The following TERB2 variants were observed in gnomAD, a reference collection of about 807,000 sequenced individuals.
TERB2 encodes the protein telomere repeat binding bouquet formation protein 2.
In TERB2, 26 loss-of-function variants were observed where a neutral mutation model predicts 29.8. The observed-to-expected ratio is 0.87, with a 90% confidence interval of 0.64 to 1.21. The LOEUF (loss-of-function observed/expected upper bound fraction) is 1.21. TERB2 is among the 50% of genes most tolerant of loss of function. The pLI is 0.00. For synonymous variants in TERB2, 80 were observed against 90.8 expected (o/e 0.88, Z 0.68); for missense variants, 240 against 268.6 (o/e 0.89, Z 0.74).
In TERB2 at chr15:44,978,594, T is replaced by C. The variant is rs532469191; in HGVS notation, c.629T>C (p.Met210Thr). The change falls in exon 7 of 7, where the codon ATG becomes ACG. Residue 210 changes from methionine to threonine, a missense_variant. Physicochemically the swap from Met to Thr is moderately conservative, Grantham distance 81. Transcript: ENST00000340827. ...TATCATGTTCAAAATGAAATTAATA[T>C]GTCTGCTATAAAAAACAAATTGAAG... The part of the protein sequence containing the change: ...LAYHVQNEIN[M>T]SAIKNKLKRK 1.4e-4 allele frequency: 228 copies of C among 1,604,294 alleles called. No individual in the cohort carries two copies. The East Asian group carries it at 5.0e-3, about 35-fold the overall frequency.
chr15:44,966,217 A>T lies in TERB2; in HGVS notation c.408A>T (p.Thr136=). 6.4e-7 allele frequency: 1 copy of T among 1,563,814 alleles called. No homozygotes were observed. The highest frequency in any genetic ancestry group is 8.6e-7 in the Non-Finnish European group (1 of 1,159,216). The change falls in exon 5 of 7, where the codon ACA becomes ACT. Residue 136 remains threonine, a synonymous_variant. Transcript: ENST00000340827. The part of the protein sequence containing the change: ...KTLRENSELA[T]EHKKELSKSP... ...TTAGGGAAAACAGTGAACTAGCAAC[A>T]GAGCACAAAAAAGAATTATCCAAAA...
intron 3 of TERB2, among the ~76,000 whole-genome samples, chr15:44,960,657 A>G (rs1891786380): frequency 6.6e-6 from 1 of 152,218 alleles, no homozygotes; most frequent in Non-Finnish European, 1.5e-5. Context: ...TAAGTCTTCA[A>G]AATCCTGTAT....
chr15:44,964,380 A>G (rs1891853042), intron 4 of TERB2, among the ~76,000 whole-genome samples: 1 of 152,118 alleles, frequency 6.6e-6, no homozygotes, highest in African/African-American at 2.4e-5. Context: ...ATGTTGTACT[A>G]AGGACTGAAA....
At chr15:44,967,170 A>G (rs1218285140) in intron 5 of TERB2, among the ~76,000 whole-genome samples, 3 of 152,246 alleles carry the variant, frequency 2.0e-5, no homozygotes, top group Non-Finnish European at 4.4e-5. Flanking sequence ...AACAGTTTAT[A>G]AGAGGCCTTC....
intron 4 of TERB2, among the ~76,000 whole-genome samples, chr15:44,964,053 C>T (rs1891848392): frequency 6.6e-6 from 1 of 152,144 alleles, no homozygotes; most frequent in South Asian, 2.1e-4. Context: ...TCGTGATCCG[C>T]CTGCCTTGGC....
chr15:44,961,472 T>C lies in TERB2; in HGVS notation c.287-51T>C, dbSNP rs769015351. 1.5e-5 allele frequency: 20 copies of C among 1,332,744 alleles called. 1 individual carries two copies. Among genetic ancestry groups the C allele is most frequent in the Non-Finnish European group, 1.5e-5 (14 of 957,196 alleles). The allele number at this position is 1,332,744 out of a possible 1,614,324, so 82.6% of individuals were successfully genotyped here. ...CAGACTTTAAGCAAAATTCAGAAGATTCTTAAAAAAAAAAACCAAAACAGT... is the reference window on the plus strand; with the variant it reads ...CAGACTTTAAGCAAAATTCAGAAGACTCTTAAAAAAAAAAACCAAAACAGT... On this transcript the variant is annotated intron_variant, in intron 3 of 6. Transcript: ENST00000340827.
At chr15:44,977,555 T>G (rs1371678291) in intron 6 of TERB2, among the ~76,000 whole-genome samples, 1 of 152,176 alleles carries the variant, frequency 6.6e-6, no homozygotes, top group Non-Finnish European at 1.5e-5. Flanking sequence ...AGTATAGTAA[T>G]AGTGCTTCAA....
rs1778188319 is a variant in TERB2, at chr15:44,978,583, T to C, written c.618T>C (p.Asn206=). The C allele has an allele frequency of 6.2e-7, 1 of 1,608,670 alleles. No homozygotes were observed. The highest frequency in any genetic ancestry group is 1.3e-5 in the African/African-American group (1 of 74,936). ...GATATTTGGCATATCATGTTCAAAA[T>C]GAAATTAATATGTCTGCTATAAAAA... ...TSGYLAYHVQ[N]EINMSAIKNK... Residue 206 remains asparagine (N), a synonymous_variant, in exon 7 of 7, where the codon AAT becomes AAC. Transcript: ENST00000340827.
intron 3 of TERB2, 118 bp from the exon 4 acceptor site, chr15:44,961,405 T>C (rs1464233174): frequency 1.2e-5 from 8 of 654,104 alleles, no homozygotes; most frequent in Non-Finnish European, 2.1e-5. Flanking sequence ...AAGTGTGTTA[T>C]GTGATTTTGT....
chr15:44,964,286 T>C (rs1891851867), intron 4 of TERB2, among the ~76,000 whole-genome samples: 1 of 152,242 alleles, frequency 6.6e-6, no homozygotes, highest in South Asian at 2.1e-4. Context: ...TTTATATTTC[T>C]GTCATTAATT....
At chr15:44,972,540 A>G (rs1178075799) in intron 5 of TERB2, among the ~76,000 whole-genome samples, 1 of 146,364 alleles carries the variant, frequency 6.8e-6, no homozygotes, top group Non-Finnish European at 1.5e-5. Context: ...TTTGAGACAG[A>G]GTCTGGCTCT....
Position 44,957,094 on chromosome 15 carries a change from A to G in TERB2, c.146+117A>G, listed in dbSNP as rs1239815492. On this transcript the variant is annotated intron_variant, in intron 2 of 6. Coordinates refer to ENST00000340827, the MANE Select transcript of TERB2 (RefSeq NM_152448.3). ...CTGGGCGCGGTGGCGGACACCTATAATCCCAGCTACTGGGAAGACTGAAGC... is the reference window on the plus strand; with the variant it reads ...CTGGGCGCGGTGGCGGACACCTATAGTCCCAGCTACTGGGAAGACTGAAGC... 9.2e-6 allele frequency: 10 copies of G among 1,085,772 alleles called. No individual in the cohort carries two copies. In the East Asian group the frequency reaches 2.4e-4, roughly 26 times the overall value. 67.3% of individuals were successfully genotyped at this position (1,085,772 alleles called of 1,614,324 possible).
At chr15:44,974,341 C>G (rs1258599017) in intron 6 of TERB2, among the ~76,000 whole-genome samples, 3 of 152,152 alleles carry the variant, frequency 2.0e-5, no homozygotes, top group African/African-American at 7.2e-5. Context: ...CTTTCCTTAG[C>G]ATACACACAT....
intron 5 of TERB2, among the ~76,000 whole-genome samples, chr15:44,969,120 G>A (rs988452824): frequency 6.6e-6 from 1 of 151,724 alleles, no homozygotes; most frequent in Non-Finnish European, 1.5e-5. Context: ...AATTAGACAG[G>A]GTCTCGCTCT....
At chr15:44,961,239 G>GTATA (rs57317143) in intron 3 of TERB2, among the ~76,000 whole-genome samples, 26,734 of 145,478 alleles carry the variant, frequency 0.18, 2,864 homozygotes, top group East Asian at 0.35. Flanking sequence ...CACATCTAAT[G>GTATA]TAGAGATACA....
intron 4 of TERB2, among the ~76,000 whole-genome samples, chr15:44,964,077 G>A (rs1392985715): frequency 6.6e-6 from 1 of 152,068 alleles, no homozygotes; most frequent in Non-Finnish European, 1.5e-5. Flanking sequence ...CCAAAGTGCT[G>A]GGATTACAGG....
intron 3 of TERB2, among the ~76,000 whole-genome samples, chr15:44,959,722 A>G (rs546285813): frequency 1.5e-3 from 221 of 152,224 alleles, no homozygotes; most frequent in Middle Eastern, 3.4e-3. Flanking sequence ...TCAATTCTTG[A>G]TATGTAGGTG....
intron 6 of TERB2, among the ~76,000 whole-genome samples, chr15:44,977,474 A>C (rs1168972064): frequency 6.6e-6 from 1 of 152,230 alleles, no homozygotes; most frequent in Non-Finnish European, 1.5e-5. Flanking sequence ...AAACACTAAT[A>C]GTGATATTTT....
chr15:44,975,889 T>C (rs1158806515), intron 6 of TERB2, among the ~76,000 whole-genome samples: 1 of 152,216 alleles, frequency 6.6e-6, no homozygotes, highest in Non-Finnish European at 1.5e-5. Context: ...ATGTGATTAA[T>C]AAGAGTAAGA....
Sources: allele counts gnomAD v4.1 joint callset (sites outside exome capture counted in the v4.1 genomes callset), GRCh38; gene constraint gnomAD v4.1.1; transcripts MANE v1.5; gene names NCBI Gene and HGNC (gene_info 2026-07-23, HGNC 2026-07-21).